DNAH1: variants seen among roughly 807,000 people sequenced by gnomAD.
DNAH1 encodes axonemal beta dynein heavy chain 1.
In DNAH1, 327 loss-of-function variants were observed where a neutral mutation model predicts 484.3. That is an observed-to-expected ratio of 0.68 (90% confidence interval 0.62 to 0.74). The LOEUF (loss-of-function observed/expected upper bound fraction) is 0.74, where lower values mean the gene tolerates loss of function less well. Among genes scored for constraint, DNAH1 ranks in the 30% least tolerant of loss-of-function variants. The pLI, the probability that DNAH1 is intolerant of heterozygous loss-of-function variation, is 0.00. For missense variants in DNAH1, 5,052 were observed against 5,546.8 expected (o/e 0.91, Z 2.83); for synonymous variants, 2,192 against 2,191.9 (o/e 1.00, Z 0.00).
At chr3:52,399,394 A>T in intron 76 of DNAH1, 151 bp from the exon 77 acceptor site, 1 of 915,290 alleles carries the variant, frequency 1.1e-6, no homozygotes, top group Non-Finnish European at 1.7e-6. Flanking sequence ...GGGGCAGGGC[A>T]CAGACCACAG....
In DNAH1 at chr3:52,395,312, C is replaced by T. The variant is rs1294241287; in HGVS notation, c.10973C>T (p.Ala3658Val). The change falls in exon 69 of 78, where the codon GCC (alanine) becomes GTC (valine). Residue 3658 changes from alanine (A) to valine (V), a missense_variant. Physicochemically the swap from Ala to Val is moderately conservative, Grantham distance 64. Coordinates refer to ENST00000420323, the MANE Select transcript of DNAH1 (RefSeq NM_015512.5). This position sits in a 1 kb window ranked among gnomAD's most constrained non-coding sequence, Gnocchi z 4.4. Reference protein sequence around the residue: ...LEPRFIEPQTANLSVVFKDSN... With the variant: ...LEPRFIEPQTVNLSVVFKDSN... Reference sequence around the variant, plus strand: ...CATCTCCCCCTGCCCTTGCAGACAGCCAATCTGTCAGTGGTGTTCAAAGAC... The same window carrying T: ...CATCTCCCCCTGCCCTTGCAGACAGTCAATCTGTCAGTGGTGTTCAAAGAC... The T allele has an allele frequency of 2.5e-6, 4 of 1,613,284 alleles. No homozygotes were observed. The Admixed American group carries it at 6.7e-5, about 27-fold the overall frequency.
intron 3 of DNAH1, among the ~76,000 whole-genome samples, chr3:52,324,720 C>T (rs1245285879): frequency 6.6e-6 from 1 of 152,216 alleles, no homozygotes; most frequent in African/African-American, 2.4e-5. Flanking sequence ...TCACAAGTAT[C>T]TGTGACCCAG....
Position 52,383,992 on chromosome 3 carries a change from C to T in DNAH1, c.8283C>T (p.Ile2761=), listed in dbSNP as rs199815199. Residue 2761 remains isoleucine (I), a synonymous_variant, in exon 52 of 78, where the codon ATC becomes ATT. Transcript: ENST00000420323. The part of the protein sequence containing the change: ...KSVATVFLNE[I]PELESSQEEI... ...TGGCCACCGTGTTCCTCAATGAGAT[C>T]CCAGAACTGGAATCCTCCCAGGAAG... is the stretch of plus-strand genomic sequence containing the variant. 2.5e-6 allele frequency: 4 copies of T among 1,610,248 alleles called. No homozygotes were observed. The highest frequency in any genetic ancestry group is 3.4e-6 in the Non-Finnish European group (4 of 1,178,140).
At chr3:52,313,932 C>A (rs557674181), upstream of DNAH1, among the ~76,000 whole-genome samples, 1 of 152,234 alleles carries the variant, frequency 6.6e-6, no homozygotes, top group Non-Finnish European at 1.5e-5. Context: ...CCCGGTGAGT[C>A]ATCAGAATAA....
chr3:52,393,840 A>C (rs1221711481), intron 66 of DNAH1, among the ~76,000 whole-genome samples: 1 of 152,240 alleles, frequency 6.6e-6, no homozygotes, highest in African/African-American at 2.4e-5. Flanking sequence ...TGGAGGTTGC[A>C]GTGGGCTGAG....
In DNAH1 at chr3:52,353,946, A is replaced by T. The variant is rs1057011745; in HGVS notation, c.3480+313A>T. 2.9e-6 allele frequency: 1 copy of T among 339,692 alleles called. No individual in the cohort carries two copies. The highest frequency in any genetic ancestry group is 5.6e-6 in the Non-Finnish European group (1 of 179,246). 21.0% of individuals were successfully genotyped at this position (339,692 alleles called of 1,614,324 possible). A position where few individuals can be genotyped will look rare whatever the true frequency, so the allele number is the denominator to read the frequency against. ...GTGACACATGCCTGTAAATCCCAGC[A>T]CTTTGGGAGGATGAGGAGGAAGGAT... On this transcript the variant is annotated intron_variant, in intron 20 of 77. Coordinates refer to ENST00000420323, the MANE Select transcript of DNAH1 (RefSeq NM_015512.5). This position sits in a 1 kb window ranked among gnomAD's most constrained non-coding sequence, Gnocchi z 5.0.
chr3:52,357,825 G>A, intron 23 of DNAH1, 73 bp from the exon 24 acceptor site: 1 of 1,581,902 alleles, frequency 6.3e-7, no homozygotes. Context: ...GTGCGGGGAT[G>A]TCAGCAGGAC....
Position 52,361,363 on chromosome 3 carries a change from G to T in DNAH1, c.4874+11G>T. The stretch of plus-strand genomic sequence containing the variant: ...CAAGGGCCTGGCCAGGTGAGGCTGG[G>T]CATGAGCGTGGCACAGGATGGGGTG... On this transcript the variant is annotated intron_variant, in intron 29 of 77. Coordinates refer to ENST00000420323, the MANE Select transcript of DNAH1 (RefSeq NM_015512.5). This position sits in a 1 kb window ranked among gnomAD's most constrained non-coding sequence, Gnocchi z 5.6. The T allele has an allele frequency of 1.3e-6, 2 of 1,560,916 alleles. No homozygotes were observed. Among genetic ancestry groups the T allele is most frequent in the Non-Finnish European group, 1.7e-6 (2 of 1,151,326 alleles).
chr3:52,326,701 G>A, intron 4 of DNAH1, 34 bp from the exon 5 acceptor site: 1 of 1,551,186 alleles, frequency 6.4e-7, no homozygotes, highest in Non-Finnish European at 8.7e-7. Context: ...CACGAGCCAA[G>A]CCATCCTGAG....
Position 52,397,623 on chromosome 3 carries a change from T to C in DNAH1, c.11788-84T>C, listed in dbSNP as rs1175088416. ...AGTGACAAGTGGGGAATGTGACAAG[T>C]GGGGATGTGCTCCATTGGAGGGTAA... On this transcript the variant is annotated intron_variant, in intron 73 of 77. Transcript: ENST00000420323. The C allele has an allele frequency of 2.5e-5, 32 of 1,283,360 alleles. No homozygotes were observed. The Admixed American group carries it at 7.5e-4, about 30-fold the overall frequency. The allele number at this position is 1,283,360 out of a possible 1,614,324, so 79.5% of individuals were successfully genotyped here.
At chr3:52,347,790 C>T in intron 11 of DNAH1, 34 bp from the exon 12 acceptor site, 1 of 1,537,302 alleles carries the variant, frequency 6.5e-7, no homozygotes, top group Admixed American at 2.0e-5. Flanking sequence ...GCCTCCTAGG[C>T]CTCTGCCCAC....
intron 70 of DNAH1, 44 bp from the exon 71 acceptor site, chr3:52,396,324 A>T: frequency 6.5e-7 from 1 of 1,538,046 alleles, no homozygotes. Flanking sequence ...CAGGGTGGCC[A>T]CCAGATATGG....
At chr3:52,389,376 A>G (rs1198104703) in intron 59 of DNAH1, 85 bp from the exon 60 acceptor site, 1 of 1,576,258 alleles carries the variant, frequency 6.3e-7, no homozygotes, top group Non-Finnish European at 8.6e-7. Context: ...GATCTCTGCA[A>G]CTGCCAAGCA....
At chr3:52,369,740 C>T (rs1056366697) in intron 37 of DNAH1, 85 bp from the exon 38 acceptor site, 21 of 1,443,960 alleles carry the variant, frequency 1.5e-5, no homozygotes, top group East Asian at 2.3e-5. Context: ...ACAGGATGTG[C>T]AGCCCCTCCC....
intron 16 of DNAH1, among the ~76,000 whole-genome samples, chr3:52,351,508 A>T (rs1269496123): frequency 1.3e-5 from 2 of 152,092 alleles, no homozygotes; most frequent in South Asian, 2.1e-4. Context: ...TGGAAGCCCC[A>T]CATCCCACAG....
rs865980719 is a variant in DNAH1, at chr3:52,392,513, G to A, written c.10102G>A (p.Asp3368Asn). Residue 3368 changes from aspartate to asparagine, a missense_variant, in exon 64 of 78, where the codon GAC (aspartate) becomes AAC (asparagine). Around this residue, in one of 4 missense-constraint regions of DNAH1, gnomAD observed 2,929 missense variants for 3,409.4 expected, o/e 0.86. Transcript: ENST00000420323. ...LGQVVAEERP[D>N]LEEAKNQLII... ...CCAGGTAGTGGCAGAGGAGCGACCC[G>A]ACCTGGAGGAGGCCAAGAACCAGCT... The A allele has an allele frequency of 7.4e-6, 12 of 1,613,916 alleles. No individual in the cohort carries two copies. Among genetic ancestry groups the A allele is most frequent in the African/African-American group, 6.7e-5 (5 of 75,044 alleles).
chr3:52,330,952 C>T (rs1436452260), intron 6 of DNAH1, among the ~76,000 whole-genome samples, 196 bp from the exon 7 acceptor site: 4 of 152,188 alleles, frequency 2.6e-5, no homozygotes, highest in South Asian at 2.1e-4. Flanking sequence ...TTCTGCAGCA[C>T]GGGGTTCCTC....
At position 52,346,371 on chromosome 3, in the gene DNAH1, C is replaced by T. The variant is rs570470345; in HGVS notation, c.1657-101C>T. ...GACATCCCTCCACAGTCAGATGAGC[C>T]CTGAGCCGCCCCAAGCACCCTGGTG... On this transcript the variant is annotated intron_variant, in intron 10 of 77. Transcript: ENST00000420323. 2.3e-6 allele frequency: 3 copies of T among 1,283,170 alleles called. No individual in the cohort carries two copies. In the South Asian group the frequency reaches 4.3e-5, roughly 19 times the overall value. The allele number at this position is 1,283,170 out of a possible 1,614,324, so 79.5% of individuals were successfully genotyped here.
chr3:52,357,867 A>G, intron 23 of DNAH1, 31 bp from the exon 24 acceptor site: 1 of 1,603,256 alleles, frequency 6.2e-7, no homozygotes, highest in Non-Finnish European at 8.5e-7. Flanking sequence ...AGCCTGCACG[A>G]CCCGCTTCCT....
Sources: gnomAD v4.1 joint callset for allele counts (sites outside exome capture counted in the v4.1 genomes callset) on GRCh38, gnomAD v4.1.1 for gene constraint, gnomAD v4.1.1 regional missense constraint, Gnocchi (gnomAD v3.1) non-coding constraint, MANE v1.5 for transcripts, NCBI Gene and HGNC (gene_info 2026-07-23, HGNC 2026-07-21) for gene names.